The following WDFY1 variants were observed in gnomAD, a reference collection of about 807,000 sequenced individuals.
The protein encoded by WDFY1 is WD repeat and FYVE domain containing 1, also known as WD repeat and FYVE domain-containing protein 1.
In WDFY1, 32 loss-of-function variants were observed where a neutral mutation model predicts 56.4. The observed-to-expected ratio is 0.57, with a 90% CI of 0.43 to 0.76. The LOEUF (loss-of-function observed/expected upper bound fraction) is 0.76. Among genes scored for constraint, WDFY1 ranks in the 30% least tolerant of loss-of-function variants. The probability of loss-of-function intolerance (pLI) is 0.00; values close to 1 mark genes in which losing one functional copy is unlikely to be tolerated. For missense variants in WDFY1, 480 were observed against 545.7 expected, an observed-to-expected ratio of 0.88 and a Z score of 1.20; for synonymous variants, 192 against 197.3, an observed-to-expected ratio of 0.97 and a Z score of 0.23.
chr2:223,897,401 C>T (rs1420391432), intron 6 of WDFY1, among the ~76,000 whole-genome samples: 13 of 67,796 alleles, frequency 1.9e-4, no homozygotes, highest in Non-Finnish European at 3.1e-4. Flanking sequence ...TTTTTTAAGA[C>T]GGAGTCTCTC....
intron 1 of WDFY1, among the ~76,000 whole-genome samples, chr2:223,934,127 C>A (rs1201497187): frequency 6.9e-6 from 1 of 145,074 alleles, no homozygotes; most frequent in East Asian, 2.2e-4. Context: ...CTCACTCTGT[C>A]ACCCAGGCTG....
At position 223,940,428 on chromosome 2, in the gene WDFY1, GAGA is replaced by G. The variant is rs372036813; in HGVS notation, c.137+4717_137+4719del. Among the ~76,000 whole-genome samples, 5 of 152,294 alleles carry G rather than the reference GAGA, an allele frequency of 3.3e-5. No individual in the cohort carries two copies. The East Asian group carries it at 9.6e-4, about 29-fold the overall frequency. On this transcript the variant is annotated intron_variant, in intron 1 of 11. Coordinates refer to ENST00000233055, the MANE Select transcript of WDFY1 (RefSeq NM_020830.5). ...CACTAAATTTTGGAACTGCTGATAA[GAGA>G]AGGTGACTGTACCTACCTTATAGGG... is the stretch of plus-strand genomic sequence containing the variant.
In WDFY1 at chr2:223,901,349, G is replaced by A; in HGVS notation, c.335-16C>T. 1 of 1,613,682 alleles carries A rather than the reference G, an allele frequency of 6.2e-7. No individual in the cohort carries two copies. The highest frequency in any genetic ancestry group is 2.2e-5 in the East Asian group (1 of 44,862). On this transcript the variant is annotated splice_polypyrimidine_tract_variant and intron_variant, in intron 4 of 11. Coordinates refer to ENST00000233055, the MANE Select transcript of WDFY1 (RefSeq NM_020830.5). ...TTCTGATGAGCTGCAGGAACAGAAA[G>A]GTGAACAGATGTCATCTCCAGAAAC...
intron 2 of WDFY1, among the ~76,000 whole-genome samples, chr2:223,917,168 T>A (rs1469958): frequency 6.6e-6 from 1 of 152,176 alleles, no homozygotes; most frequent in Non-Finnish European, 1.5e-5. Context: ...GATTTATTTA[T>A]AGAACATACC....
chr2:223,923,443 A>G (rs758298717), intron 1 of WDFY1, among the ~76,000 whole-genome samples: 2 of 152,238 alleles, frequency 1.3e-5, no homozygotes, highest in Non-Finnish European at 2.9e-5. Flanking sequence ...CAACATAATA[A>G]TAGTTTAGTA....
chr2:223,905,572 C>T (rs1269331994), intron 4 of WDFY1, among the ~76,000 whole-genome samples: 1 of 152,118 alleles, frequency 6.6e-6, no homozygotes, highest in African/African-American at 2.4e-5. Context: ...CACACACACA[C>T]ACGTGTATAT....
At chr2:223,903,626 TAC>T (rs74181334) in intron 4 of WDFY1, among the ~76,000 whole-genome samples, 2 of 140,140 alleles carry the variant, frequency 1.4e-5, no homozygotes, top group South Asian at 2.2e-4. Context: ...AGATGAAAAA[TAC>T]ACACACACAC....
chr2:223,888,130 G>A (rs1369941563), intron 8 of WDFY1, among the ~76,000 whole-genome samples: 1 of 152,016 alleles, frequency 6.6e-6, no homozygotes, highest in Non-Finnish European at 1.5e-5. Flanking sequence ...CACACAGACT[G>A]GACTGCAGGG....
intron 10 of WDFY1, among the ~76,000 whole-genome samples, chr2:223,881,224 C>T (rs1280513115): frequency 3.3e-5 from 5 of 152,186 alleles, no homozygotes; most frequent in Admixed American, 3.3e-4. Flanking sequence ...CTAGAGTTTT[C>T]CCAGTAAATT....
chr2:223,924,089 T>C (rs1197403917), intron 1 of WDFY1, among the ~76,000 whole-genome samples: 1 of 152,230 alleles, frequency 6.6e-6, no homozygotes, highest in East Asian at 1.9e-4. Flanking sequence ...TTCCAAGCTC[T>C]ATTTTTAAGT....
At chr2:223,925,425 A>T (rs1045252607) in intron 1 of WDFY1, among the ~76,000 whole-genome samples, 1 of 152,140 alleles carries the variant, frequency 6.6e-6, no homozygotes, top group Non-Finnish European at 1.5e-5. Context: ...AAAATACTTT[A>T]TTGCTAAAAA....
intron 8 of WDFY1, among the ~76,000 whole-genome samples, chr2:223,888,544 G>T (rs1274558640): frequency 6.6e-6 from 1 of 150,596 alleles, no homozygotes; most frequent in Non-Finnish European, 1.5e-5. Flanking sequence ...TTCAAGCAAG[G>T]ATTTTAAAAA....
chr2:223,885,512 G>A (rs1313923340), intron 8 of WDFY1, among the ~76,000 whole-genome samples: 1 of 152,114 alleles, frequency 6.6e-6, no homozygotes, highest in African/African-American at 2.4e-5. Flanking sequence ...TGTGTGCCGA[G>A]TAATCATGGC....
chr2:223,920,631 GGGAAACCTTGCA>G (rs1037746478), intron 1 of WDFY1, among the ~76,000 whole-genome samples: 16 of 152,202 alleles, frequency 1.1e-4, no homozygotes, highest in Non-Finnish European at 1.3e-4. Context: ...CGCCGGCTGT[GGGAAACCTTGCA>G]GGAAACCTTG....
chr2:223,884,511 C>A, intron 9 of WDFY1, 137 bp downstream of exon 9: 1 of 796,056 alleles, frequency 1.3e-6, no homozygotes, highest in Non-Finnish European at 2.1e-6. Context: ...GTTAGTCACA[C>A]AATGATAAAG....
chr2:223,938,434 C>T (rs559751336), intron 1 of WDFY1, among the ~76,000 whole-genome samples: 2 of 152,320 alleles, frequency 1.3e-5, no homozygotes, highest in South Asian at 4.1e-4. Context: ...TTTAGTTCCG[C>T]TCTGAAAGCA....
intron 3 of WDFY1, among the ~76,000 whole-genome samples, chr2:223,908,270 G>A (rs983837994): frequency 6.6e-6 from 1 of 152,094 alleles, no homozygotes; most frequent in Admixed American, 6.5e-5. Context: ...CTAATGACCA[G>A]ACCACTCTGG....
At chr2:223,899,469 C>T (rs1693464294) in intron 5 of WDFY1, among the ~76,000 whole-genome samples, 1 of 152,092 alleles carries the variant, frequency 6.6e-6, no homozygotes, top group Admixed American at 6.6e-5. Flanking sequence ...ACTGGGCTGG[C>T]TGCAGTGGCT....
chr2:223,921,204 C>T (rs1355099527), intron 1 of WDFY1, among the ~76,000 whole-genome samples: 1 of 152,200 alleles, frequency 6.6e-6, no homozygotes, highest in African/African-American at 2.4e-5. Flanking sequence ...AAAAGTAAAA[C>T]TAGTAGTTGG....
Sources: gnomAD v4.1 joint callset for allele counts (sites outside exome capture counted in the v4.1 genomes callset) on GRCh38, gnomAD v4.1.1 for gene constraint, MANE v1.5 for transcripts, NCBI Gene and HGNC (gene_info 2026-07-23, HGNC 2026-07-21) for gene names.